LHFPL3: variants seen among roughly 807,000 people sequenced by gnomAD.
The protein encoded by LHFPL3 is LHFPL tetraspan subfamily member 3, also known as LHFPL tetraspan subfamily member 3 protein.
In LHFPL3, 5 loss-of-function variants were observed where a neutral mutation model predicts 19.3. That is an observed-to-expected ratio of 0.26 (90% confidence interval 0.14 to 0.54). LHFPL3 has a LOEUF of 0.54. Ranked by LOEUF, LHFPL3 falls within the 20% of genes least tolerant of loss-of-function variation. The probability of loss-of-function intolerance (pLI) is 0.94; values close to 1 mark genes in which losing one functional copy is unlikely to be tolerated. For synonymous variants in LHFPL3, 133 were observed against 126.2 expected, an observed-to-expected ratio of 1.05 and a Z score of -0.36; for missense variants, 249 against 307.4, an observed-to-expected ratio of 0.81 and a Z score of 1.42.
At chr7:104,867,779 A>G (rs1435148907) in intron 2 of LHFPL3, among the ~76,000 whole-genome samples, 2 of 152,224 alleles carry the variant, frequency 1.3e-5, no homozygotes, top group Non-Finnish European at 2.9e-5. Flanking sequence ...CAACAAAAAA[A>G]GAGAATTTTA....
At chr7:104,472,650 T>G (rs1453291791) in intron 1 of LHFPL3, among the ~76,000 whole-genome samples, 3 of 152,228 alleles carry the variant, frequency 2.0e-5, no homozygotes, top group African/African-American at 7.2e-5. Context: ...CCCATTATTA[T>G]GTAACTCGTT....
chr7:104,471,614 C>T (rs1245095002), intron 1 of LHFPL3, among the ~76,000 whole-genome samples: 1 of 152,112 alleles, frequency 6.6e-6, no homozygotes, highest in Non-Finnish European at 1.5e-5. Flanking sequence ...CTTATAGAAA[C>T]CTTGGTGAAT....
intron 1 of LHFPL3, among the ~76,000 whole-genome samples, chr7:104,572,626 T>A (rs1176365445): frequency 3.3e-5 from 5 of 152,196 alleles, no homozygotes; most frequent in Non-Finnish European, 7.3e-5. Flanking sequence ...ATCTGCTTGA[T>A]GATTTTGGAA....
At chr7:104,904,266 A>G (rs1239839939) in intron 2 of LHFPL3, among the ~76,000 whole-genome samples, 1 of 152,224 alleles carries the variant, frequency 6.6e-6, no homozygotes, top group Non-Finnish European at 1.5e-5. Flanking sequence ...ACAAGGGGGA[A>G]CATACCAAAA....
intron 1 of LHFPL3, among the ~76,000 whole-genome samples, chr7:104,412,989 C>G (rs766761352): frequency 1.1e-4 from 17 of 152,182 alleles, no homozygotes; most frequent in Non-Finnish European, 1.9e-4. Context: ...GTCCATTGCA[C>G]TCCACACACA....
chr7:104,906,310 C>T lies in LHFPL3; in HGVS notation c.*95C>T. On this transcript the variant is annotated 3_prime_UTR_variant, in exon 3 of 3. Transcript: ENST00000424859. ...TACATCAACATCAAGAAGGAATACG[C>T]CTGAGAGAGATCAGAGTATATAGAT... 7.3e-7 allele frequency: 1 copy of T among 1,372,204 alleles called. No homozygotes were observed. The highest frequency in any genetic ancestry group is 1.4e-5 in the African/African-American group (1 of 69,808). The allele number at this position is 1,372,204 out of a possible 1,614,324, so 85.0% of individuals were successfully genotyped here.
chr7:104,406,826 A>T (rs1432388036), intron 1 of LHFPL3, among the ~76,000 whole-genome samples: 1 of 152,226 alleles, frequency 6.6e-6, no homozygotes, highest in Non-Finnish European at 1.5e-5. Context: ...CAAAACAGAC[A>T]CACCTTTGCT....
chr7:104,594,650 T>G, intron 1 of LHFPL3, among the ~76,000 whole-genome samples: 1 of 152,328 alleles, frequency 6.6e-6, no homozygotes, highest in African/African-American at 2.4e-5. Context: ...TTGGTTCCAT[T>G]CTCCCCATCA....
intron 1 of LHFPL3, among the ~76,000 whole-genome samples, chr7:104,585,745 C>T (rs1286220023): frequency 2.0e-5 from 3 of 152,126 alleles, no homozygotes; most frequent in African/African-American, 7.2e-5. Flanking sequence ...GAGGAATGCT[C>T]TGTTTGTAAT....
At chr7:104,500,739 G>A (rs1793584319) in intron 1 of LHFPL3, among the ~76,000 whole-genome samples, 1 of 152,170 alleles carries the variant, frequency 6.6e-6, no homozygotes, top group African/African-American at 2.4e-5. Flanking sequence ...TTATTCGCAA[G>A]CCTAAAATTC....
chr7:104,342,714 G>A (rs1457165818), intron 1 of LHFPL3, among the ~76,000 whole-genome samples: 4 of 152,182 alleles, frequency 2.6e-5, no homozygotes, highest in Non-Finnish European at 5.9e-5. Context: ...TACTCAGAGA[G>A]CATTCTTTTT....
At chr7:104,652,818 A>G (rs1038323214) in intron 1 of LHFPL3, among the ~76,000 whole-genome samples, 2 of 151,628 alleles carry the variant, frequency 1.3e-5, no homozygotes, top group Non-Finnish European at 1.5e-5. Flanking sequence ...AACTGAGCTC[A>G]ATTTCAATCT....
At chr7:104,836,700 T>C (rs968381903) in intron 2 of LHFPL3, among the ~76,000 whole-genome samples, 2 of 152,192 alleles carry the variant, frequency 1.3e-5, no homozygotes, top group African/African-American at 4.8e-5. Context: ...TATGCTCTGC[T>C]ACCCATTCTG....
At chr7:104,506,241 C>A (rs954513467) in intron 1 of LHFPL3, among the ~76,000 whole-genome samples, 1 of 151,972 alleles carries the variant, frequency 6.6e-6, no homozygotes, top group Non-Finnish European at 1.5e-5. Flanking sequence ...AATCCCCGCC[C>A]CCGCTGCCCC....
intron 1 of LHFPL3, among the ~76,000 whole-genome samples, chr7:104,548,563 A>G (rs1794612309): frequency 6.6e-6 from 1 of 152,216 alleles, no homozygotes; most frequent in Admixed American, 6.5e-5. Flanking sequence ...AGAGTATTAT[A>G]TAAACAAATA....
At chr7:104,881,266 C>T (rs1273557683) in intron 2 of LHFPL3, among the ~76,000 whole-genome samples, 1 of 151,888 alleles carries the variant, frequency 6.6e-6, no homozygotes, top group Non-Finnish European at 1.5e-5. Flanking sequence ...AATTGAAAAC[C>T]TTCTGGAAAG....
chr7:104,450,427 C>T (rs1792411659), intron 1 of LHFPL3, among the ~76,000 whole-genome samples: 1 of 152,080 alleles, frequency 6.6e-6, no homozygotes, highest in Non-Finnish European at 1.5e-5. Context: ...AGTGCAGGGA[C>T]ATGGATGAAG....
At chr7:104,748,712 CAAT>C (rs1794097384) in intron 2 of LHFPL3, among the ~76,000 whole-genome samples, 1 of 152,150 alleles carries the variant, frequency 6.6e-6, no homozygotes, top group African/African-American at 2.4e-5. Context: ...CACAAATGAT[CAAT>C]AAATACTAAG....
chr7:104,663,310 T>C lies in LHFPL3; in HGVS notation c.446-73365T>C, dbSNP rs75260153. Among the ~76,000 whole-genome samples the C allele has an allele frequency of 5.2e-3, 790 of 152,288 alleles. 45 individuals are homozygous for C. In the East Asian group the frequency reaches 0.11, roughly 22 times the overall value. On this transcript the variant is annotated intron_variant, in intron 1 of 2. Transcript: ENST00000424859. ...CACCAGAAGTAACAAACAGCCAACATATTAAAAAGAACCTTTGAGAATTTC... is the reference window on the plus strand; with the variant it reads ...CACCAGAAGTAACAAACAGCCAACACATTAAAAAGAACCTTTGAGAATTTC...
Sources: allele counts gnomAD v4.1 joint callset (sites outside exome capture counted in the v4.1 genomes callset), GRCh38; gene constraint gnomAD v4.1.1; transcripts MANE v1.5; gene names NCBI Gene and HGNC (gene_info 2026-07-23, HGNC 2026-07-21).